IL1RAPL1: variants seen among roughly 807,000 people sequenced by gnomAD.
IL1RAPL1 encodes interleukin 1 receptor accessory protein like 1, also known as interleukin-1 receptor accessory protein-like 1.
IL1RAPL1 carries 3 observed loss-of-function variants against 48.4 expected under a neutral mutation model. The observed-to-expected ratio is 0.06, with a 90% CI of 0.03 to 0.16. The LOEUF (loss-of-function observed/expected upper bound fraction) is 0.16. IL1RAPL1 is among the 10% of genes least tolerant of loss of function. IL1RAPL1 has a pLI of 1.00. For synonymous variants in IL1RAPL1, 185 were observed against 187.7 expected (o/e 0.99, Z 0.12); for missense variants, 349 against 530.6 (o/e 0.66, Z 3.36).
At chrX:29,005,983 GTTTAA>G (rs1393502196) in intron 2 of IL1RAPL1, among the ~76,000 whole-genome samples, 2 of 111,588 alleles carry the variant, frequency 1.8e-5, no homozygotes, top group African/African-American at 6.5e-5. Context: ...GAGAGAAAAG[GTTTAA>G]TTTATAGTCT....
At chrX:28,821,811 A>C (rs1020298445) in intron 2 of IL1RAPL1, among the ~76,000 whole-genome samples, 9 of 111,367 alleles carry the variant, frequency 8.1e-5, no homozygotes, top group African/African-American at 2.9e-4. Flanking sequence ...ACATTGCTTC[A>C]GTTAGCATCC....
intron 2 of IL1RAPL1, among the ~76,000 whole-genome samples, chrX:29,107,954 G>T (rs2470988): frequency 0.35 from 38,947 of 110,530 alleles, 5,956 homozygotes; most frequent in Non-Finnish European, 0.48. Context: ...TGTTGCTGTG[G>T]TTGGAAAGGT....
intron 2 of IL1RAPL1, among the ~76,000 whole-genome samples, chrX:29,070,038 G>A (rs573075424): frequency 1.8e-5 from 2 of 111,601 alleles, no homozygotes; most frequent in African/African-American, 3.3e-5. Context: ...GGATTGCACG[G>A]GATGTGAAAC....
At chrX:29,312,643 C>A (rs1932742628) in intron 3 of IL1RAPL1, among the ~76,000 whole-genome samples, 1 of 111,284 alleles carries the variant, frequency 9.0e-6, no homozygotes, top group Admixed American at 9.5e-5. Context: ...CTTTTTGCCA[C>A]CCCAACCACT....
rs764347355 is a variant in IL1RAPL1, at chrX:29,853,324, C to A, written c.779-64140C>A. On this transcript the variant is annotated intron_variant, in intron 6 of 10. Transcript: ENST00000378993. ...CCTGTGCAACAAAGTGGAACCCAGT[C>A]TCGAAAAAAAGAAAAAAAGAAAAAA... 3.3e-4 allele frequency among the ~76,000 whole-genome samples: 36 copies of A among 108,069 alleles called. No individual in the cohort carries two copies. In the East Asian group the frequency reaches 3.8e-3, roughly 11 times the overall value. The allele number at this position is 108,069 out of a possible 115,157, so 93.8% of individuals were successfully genotyped here.
intron 1 of IL1RAPL1, among the ~76,000 whole-genome samples, chrX:28,670,837 G>A (rs898316910): frequency 2.7e-5 from 3 of 112,205 alleles, no homozygotes; most frequent in African/African-American, 9.7e-5. Flanking sequence ...TTGTCAACAT[G>A]TGATAGTGAA....
At chrX:29,574,680 C>T (rs1201182574) in intron 5 of IL1RAPL1, among the ~76,000 whole-genome samples, 2 of 111,902 alleles carry the variant, frequency 1.8e-5, no homozygotes, top group African/African-American at 6.5e-5. Flanking sequence ...TTCTTTTCTA[C>T]CACATGATCA....
intron 2 of IL1RAPL1, among the ~76,000 whole-genome samples, chrX:28,837,462 A>C (rs1921250718): frequency 9.0e-6 from 1 of 110,664 alleles, no homozygotes; most frequent in Non-Finnish European, 1.9e-5. Flanking sequence ...TAGAAAAAAT[A>C]AAATGTAGTT....
intron 6 of IL1RAPL1, among the ~76,000 whole-genome samples, chrX:29,732,613 A>T (rs753654321): frequency 9.0e-6 from 1 of 111,679 alleles, no homozygotes; most frequent in South Asian, 3.7e-4. Flanking sequence ...TTACCTGGTA[A>T]CTCATTACTT....
intron 5 of IL1RAPL1, among the ~76,000 whole-genome samples, chrX:29,653,738 T>G (rs747758886): frequency 1.8e-5 from 2 of 110,568 alleles, no homozygotes; most frequent in African/African-American, 3.3e-5. Context: ...GGTGGGAGAT[T>G]ATTATTTGCT....
chrX:29,903,159 CGT>C (rs751071711), intron 6 of IL1RAPL1, among the ~76,000 whole-genome samples: 105 of 99,555 alleles, frequency 1.1e-3, no homozygotes, highest in African/African-American at 1.8e-3. Context: ...CATTTGTCTC[CGT>C]GTGTGTGTGT....
chrX:29,671,007 A>C (rs1926126227), intron 6 of IL1RAPL1, among the ~76,000 whole-genome samples: 1 of 112,206 alleles, frequency 8.9e-6, no homozygotes, highest in Admixed American at 9.4e-5. Flanking sequence ...GTTACGTTAT[A>C]AGAAAAATCA....
intron 2 of IL1RAPL1, among the ~76,000 whole-genome samples, chrX:28,900,775 T>G (rs1443423000): frequency 9.0e-6 from 1 of 111,702 alleles, no homozygotes; most frequent in Non-Finnish European, 1.9e-5. Flanking sequence ...GATTTTTATT[T>G]TAGAAGCATT....
At chrX:28,996,114 A>T (rs1413286075) in intron 2 of IL1RAPL1, among the ~76,000 whole-genome samples, 2 of 111,332 alleles carry the variant, frequency 1.8e-5, no homozygotes, top group African/African-American at 6.5e-5. Flanking sequence ...TCCTCCAAAT[A>T]CAACCCCTCC....
chrX:29,642,051 C>A (rs755130448), intron 5 of IL1RAPL1, among the ~76,000 whole-genome samples: 39 of 112,290 alleles, frequency 3.5e-4, no homozygotes, highest in African/African-American at 1.3e-3. Flanking sequence ...AAAGGCATTT[C>A]CTACATCTTG....
At chrX:28,607,498 A>T (rs1007613451) in intron 1 of IL1RAPL1, among the ~76,000 whole-genome samples, 3 of 111,063 alleles carry the variant, frequency 2.7e-5, no homozygotes, top group Admixed American at 9.7e-5. Context: ...ACCACTTCCC[A>T]CTAAAGTTCG....
At chrX:29,395,792 C>T (rs1933912996) in intron 3 of IL1RAPL1, among the ~76,000 whole-genome samples, 1 of 112,054 alleles carries the variant, frequency 8.9e-6, no homozygotes, top group African/African-American at 3.2e-5. Context: ...TGTGTTCTGC[C>T]CAGACTCAGT....
chrX:29,455,242 GTA>G (rs898810608), intron 5 of IL1RAPL1, among the ~76,000 whole-genome samples: 5 of 111,174 alleles, frequency 4.5e-5, no homozygotes, highest in Non-Finnish European at 9.4e-5. Flanking sequence ...AAAAAAGAAA[GTA>G]TGTGGGAAAA....
intron 2 of IL1RAPL1, among the ~76,000 whole-genome samples, chrX:28,803,960 G>A (rs992870898): frequency 1.8e-5 from 2 of 111,914 alleles, no homozygotes; most frequent in African/African-American, 3.2e-5. Flanking sequence ...AGAAACCAAG[G>A]CAATATGATT....
Sources: gnomAD v4.1 joint callset for allele counts (sites outside exome capture counted in the v4.1 genomes callset) on GRCh38, gnomAD v4.1.1 for gene constraint, MANE v1.5 for transcripts, NCBI Gene and HGNC (gene_info 2026-07-23, HGNC 2026-07-21) for gene names.